MAGI1: variants seen among roughly 807,000 people sequenced by gnomAD.
MAGI1 encodes the protein membrane associated guanylate kinase, WW and PDZ domain containing 1, also known as membrane-associated guanylate kinase, WW and PDZ domain-containing protein 1.
A neutral mutation model predicts 139.9 loss-of-function variants in MAGI1; 58 were observed. That is an observed-to-expected ratio of 0.41 (90% CI 0.34 to 0.52). The LOEUF is 0.52. Ranked by LOEUF, MAGI1 falls within the 20% of genes least tolerant of loss-of-function variation. The pLI is 0.12. For synonymous variants in MAGI1, 812 were observed against 737.9 expected, an observed-to-expected ratio of 1.10 and a Z score of -1.63; for missense variants, 1,874 against 1,901.6, an observed-to-expected ratio of 0.99 and a Z score of 0.27.
chr3:65,649,108 G>A (rs1046730744), intron 1 of MAGI1, among the ~76,000 whole-genome samples: 1 of 152,082 alleles, frequency 6.6e-6, no homozygotes, highest in African/African-American at 2.4e-5. Context: ...GAAAAATGAA[G>A]TACACCTGTA....
At chr3:65,981,887 A>T (rs543943963) in intron 1 of MAGI1, among the ~76,000 whole-genome samples, 35 of 152,146 alleles carry the variant, frequency 2.3e-4, no homozygotes, top group Non-Finnish European at 3.8e-4. Context: ...TAAATTACCT[A>T]GTCTCAGGTA....
chr3:65,845,562 T>A (rs2058963705), intron 1 of MAGI1, among the ~76,000 whole-genome samples: 1 of 152,198 alleles, frequency 6.6e-6, no homozygotes, highest in African/African-American at 2.4e-5. Context: ...ATCCAATGCA[T>A]CAGATCTTAA....
At chr3:65,506,140 T>C (rs1300317304) in intron 2 of MAGI1, among the ~76,000 whole-genome samples, 2 of 152,146 alleles carry the variant, frequency 1.3e-5, no homozygotes, top group African/African-American at 2.4e-5. Flanking sequence ...TTTGGTGAGT[T>C]CAAATCTCAG....
chr3:65,361,328 C>T lies in MAGI1; in HGVS notation c.3505G>A (p.Glu1169Lys). 6.2e-7 allele frequency: 1 copy of T among 1,613,622 alleles called. No individual in the cohort carries two copies. The highest frequency in any genetic ancestry group is 1.3e-5 in the African/African-American group (1 of 75,028). The change falls in exon 22 of 23, where the codon GAA becomes AAA. Residue 1169 changes from glutamate (E) to lysine (K), a missense_variant. By Grantham distance (56) the Glu-to-Lys change is moderately conservative. Transcript: ENST00000402939. ...GTCTCACCATTGATCTCTAAAATTT[C>T]ATCACCAATCTGCCAAAGCAAAAGA... Reference protein sequence around the residue: ...ERCGKMRIGDEILEINGETTK... With the variant: ...ERCGKMRIGDKILEINGETTK...
chr3:66,026,558 T>G (rs1250952879), intron 1 of MAGI1, among the ~76,000 whole-genome samples: 2 of 151,218 alleles, frequency 1.3e-5, no homozygotes, highest in Non-Finnish European at 2.9e-5. Flanking sequence ...ATCCATAAAA[T>G]AAGGATGTTG....
chr3:65,996,978 C>T (rs2066484478), intron 1 of MAGI1, among the ~76,000 whole-genome samples: 1 of 152,206 alleles, frequency 6.6e-6, no homozygotes, highest in Admixed American at 6.5e-5. Flanking sequence ...CCAATTTTCT[C>T]ACAGCTGAAA....
chr3:65,840,120 C>T (rs1320966709), intron 1 of MAGI1, among the ~76,000 whole-genome samples: 1 of 150,472 alleles, frequency 6.6e-6, no homozygotes, highest in African/African-American at 2.4e-5. Flanking sequence ...ATCCTGTGAC[C>T]TTGCTGAACT....
chr3:65,859,611 C>A (rs1339104712), intron 1 of MAGI1, among the ~76,000 whole-genome samples: 1 of 151,620 alleles, frequency 6.6e-6, no homozygotes, highest in African/African-American at 2.4e-5. Context: ...GGTGGCACTA[C>A]TCAGGAGGCT....
intron 1 of MAGI1, among the ~76,000 whole-genome samples, chr3:65,854,071 G>A (rs1402020720): frequency 6.6e-6 from 1 of 151,750 alleles, no homozygotes; most frequent in Non-Finnish European, 1.5e-5. Flanking sequence ...TCATGCCATT[G>A]CACTCCAGCC....
chr3:65,881,013 T>G (rs111811546), intron 1 of MAGI1, among the ~76,000 whole-genome samples: 44 of 152,070 alleles, frequency 2.9e-4, no homozygotes, highest in African/African-American at 1.0e-3. Flanking sequence ...GCTCAAGCGA[T>G]CTTCCCGCCT....
intron 1 of MAGI1, among the ~76,000 whole-genome samples, chr3:65,864,808 C>T (rs929966553): frequency 3.9e-5 from 6 of 152,180 alleles, no homozygotes; most frequent in African/African-American, 1.4e-4. Flanking sequence ...CTGTCCAAAT[C>T]TAAACTACAG....
intron 1 of MAGI1, among the ~76,000 whole-genome samples, chr3:65,951,762 G>A (rs962075037): frequency 6.6e-6 from 1 of 152,062 alleles, no homozygotes; most frequent in Non-Finnish European, 1.5e-5. Flanking sequence ...TCATTTTTAC[G>A]CATGGAGTTC....
rs745380892 is a variant in MAGI1 at position 65,430,807 on chromosome 3, G to A, written c.1438C>T (p.Arg480Cys). 4 of 1,613,526 alleles carry A rather than the reference G, an allele frequency of 2.5e-6. No homozygotes were observed. Among genetic ancestry groups the A allele is most frequent in the South Asian group, 1.1e-5 (1 of 91,046 alleles). The change falls in exon 11 of 23, where the codon CGT (arginine) becomes TGT (cysteine). Residue 480 changes from arginine to cysteine, a missense_variant. By Grantham distance (180) the Arg-to-Cys change is radical (BLOSUM62 -3). This residue lies in a region of MAGI1 where 648 missense variants were observed against 598.1 expected (regional missense o/e 1.08). Coordinates refer to ENST00000402939, the MANE Select transcript of MAGI1 (RefSeq NM_001033057.2). ...CCAACCACCGTGAAGCCAAAGCCAC[G>A]ACTGCTTTTCCGCAGCTTTGTGTGA... ...FIHTKLRKSSRGFGFTVVGGD... is the reference protein window; with the variant it reads ...FIHTKLRKSSCGFGFTVVGGD...
intron 7 of MAGI1, among the ~76,000 whole-genome samples, chr3:65,446,437 C>G (rs1025231652): frequency 6.6e-6 from 1 of 152,196 alleles, no homozygotes; most frequent in African/African-American, 2.4e-5. Context: ...GAGTCTTTAA[C>G]AGCACAAGCA....
chr3:65,619,913 C>T, intron 2 of MAGI1: 1 of 985,078 alleles, frequency 1.0e-6, no homozygotes, highest in Non-Finnish European at 1.2e-6. Context: ...ACTGGTTTCA[C>T]AGCCATAAAA....
chr3:65,894,731 T>C (rs992665088), intron 1 of MAGI1, among the ~76,000 whole-genome samples: 9 of 152,212 alleles, frequency 5.9e-5, no homozygotes, highest in Non-Finnish European at 1.2e-4. Context: ...ATGAAGCCAA[T>C]GAGCTACAAA....
intron 1 of MAGI1, among the ~76,000 whole-genome samples, chr3:65,818,062 GTGTGTGTCTC>G (rs1214347680): frequency 1.3e-5 from 2 of 151,848 alleles, no homozygotes; most frequent in Non-Finnish European, 2.9e-5. Context: ...GTGTGTGTGT[GTGTGTGTCTC>G]TCTCTTTGAC....
At chr3:65,935,480 A>G (rs1010362146) in intron 1 of MAGI1, among the ~76,000 whole-genome samples, 1 of 152,070 alleles carries the variant, frequency 6.6e-6, no homozygotes, top group Non-Finnish European at 1.5e-5. Flanking sequence ...TAATTAGCTG[A>G]CTGTGGTGGT....
At chr3:65,639,574 G>T (rs1041882652) in intron 1 of MAGI1, among the ~76,000 whole-genome samples, 2 of 152,124 alleles carry the variant, frequency 1.3e-5, no homozygotes. Flanking sequence ...TTTCTGTGAT[G>T]GGGTTTTGAG....
Sources: gnomAD v4.1 joint callset for allele counts (sites outside exome capture counted in the v4.1 genomes callset) on GRCh38, gnomAD v4.1.1 for gene constraint, gnomAD v4.1.1 regional missense constraint, MANE v1.5 for transcripts, NCBI Gene and HGNC (gene_info 2026-07-23, HGNC 2026-07-21) for gene names.